Variants in COL28A1 observed in about 807,000 individuals in gnomAD.
COL28A1 encodes the protein collagen type XXVIII alpha 1 chain.
In COL28A1, 161 loss-of-function variants were observed where a neutral mutation model predicts 150.2. That is an observed-to-expected ratio of 1.07 (90% CI 0.94 to 1.22). COL28A1 has a LOEUF of 1.22. COL28A1 is among the 50% of genes most tolerant of loss of function. COL28A1 has a pLI of 0.00. For synonymous variants in COL28A1, 552 were observed against 469.7 expected, an observed-to-expected ratio of 1.18 and a Z score of -2.26; for missense variants, 1,617 against 1,388.3, an observed-to-expected ratio of 1.16 and a Z score of -2.62.
chr7:7,403,413 T>C (rs6971476), intron 27 of COL28A1, among the ~76,000 whole-genome samples: 25,472 of 152,232 alleles, frequency 0.17, 2,251 homozygotes, highest in Middle Eastern at 0.23. Flanking sequence ...TTGACTTGTT[T>C]TCTTGATAAA....
At chr7:7,400,198 C>A (rs1783094012) in intron 27 of COL28A1, among the ~76,000 whole-genome samples, 1 of 152,170 alleles carries the variant, frequency 6.6e-6, no homozygotes, top group Admixed American at 6.5e-5. Context: ...TCCCTGGAAC[C>A]TATGAACCCT....
chr7:7,380,382 G>T (rs1781804217), intron 30 of COL28A1, among the ~76,000 whole-genome samples: 1 of 152,086 alleles, frequency 6.6e-6, no homozygotes, highest in African/African-American at 2.4e-5. Context: ...TCACCTCCTT[G>T]TTGGCCAGTA....
the COL28A1 span, among the ~76,000 whole-genome samples, chr7:7,347,998 T>C: frequency 2.6e-5 from 4 of 152,036 alleles, no homozygotes; most frequent in African/African-American, 9.7e-5. Context: ...GAGGCATTAA[T>C]TGGCATGGCA....
intron 32 of COL28A1, among the ~76,000 whole-genome samples, chr7:7,371,177 T>C (rs1056430588): frequency 2.0e-5 from 3 of 152,190 alleles, no homozygotes; most frequent in African/African-American, 7.2e-5. Flanking sequence ...ATAAGTTGAA[T>C]TGGCAGCTAC....
intron 26 of COL28A1, among the ~76,000 whole-genome samples, chr7:7,418,411 A>G (rs1784219956): frequency 6.6e-6 from 1 of 152,176 alleles, no homozygotes; most frequent in South Asian, 2.1e-4. Flanking sequence ...ATGAAGCTAT[A>G]AGCAAGTGTA....
At chr7:7,496,495 G>T (rs1780214962) in intron 11 of COL28A1, among the ~76,000 whole-genome samples, 1 of 152,078 alleles carries the variant, frequency 6.6e-6, no homozygotes, top group African/African-American at 2.4e-5. Flanking sequence ...ATTACATAAT[G>T]ATATCAAGTA....
intron 34 of COL28A1, among the ~76,000 whole-genome samples, chr7:7,359,584 G>C (rs986468697): frequency 6.6e-6 from 1 of 152,126 alleles, no homozygotes; most frequent in African/African-American, 2.4e-5. Context: ...GCCAAGGTGG[G>C]AGAAGCCAAA....
intron 3 of COL28A1, among the ~76,000 whole-genome samples, chr7:7,526,026 G>T (rs1026766667): frequency 6.6e-6 from 1 of 152,206 alleles, no homozygotes; most frequent in African/African-American, 2.4e-5. Context: ...GTATCTTTAA[G>T]AGCTAGGAGG....
rs141487917 is a variant in COL28A1, at chr7:7,445,105, A to G, written c.1510-616T>C. On this transcript the variant is annotated intron_variant, in intron 18 of 34. Transcript: ENST00000399429. Reference sequence around the variant, plus strand: ...TTTCCTGAGGCCTCCCCAAAAGTCAAGCAGATGCCAGCATCATGCTTCCTG... The same window carrying G: ...TTTCCTGAGGCCTCCCCAAAAGTCAGGCAGATGCCAGCATCATGCTTCCTG... 3.4e-4 allele frequency among the ~76,000 whole-genome samples: 52 copies of G among 152,312 alleles called. No individual in the cohort carries two copies. In the East Asian group the frequency reaches 9.5e-3, roughly 28 times the overall value.
chr7:7,399,513 T>C (rs1783043311), intron 27 of COL28A1, among the ~76,000 whole-genome samples: 1 of 152,142 alleles, frequency 6.6e-6, no homozygotes, highest in Non-Finnish European at 1.5e-5. Context: ...GATGTGGAGG[T>C]TGGCCATCTT....
intron 3 of COL28A1, among the ~76,000 whole-genome samples, chr7:7,525,497 C>T (rs1271155687): frequency 1.3e-5 from 2 of 152,066 alleles, no homozygotes; most frequent in African/African-American, 4.8e-5. Flanking sequence ...ATGTGTCAAA[C>T]CAGTGCCTTG....
chr7:7,452,899 T>C (rs960758154), intron 17 of COL28A1, among the ~76,000 whole-genome samples: 6 of 152,252 alleles, frequency 3.9e-5, no homozygotes, highest in Non-Finnish European at 1.5e-5. Flanking sequence ...AGTATTTTAT[T>C]TATTTAACAA....
At chr7:7,537,498 C>T (rs76674714), upstream of COL28A1, among the ~76,000 whole-genome samples, 19,493 of 152,102 alleles carry the variant, frequency 0.13, 1,424 homozygotes, top group East Asian at 0.22. Flanking sequence ...TGTAAGAATT[C>T]GAATTTTTCC....
At chr7:7,475,039 C>G (rs1788748570) in intron 14 of COL28A1, among the ~76,000 whole-genome samples, 1 of 152,110 alleles carries the variant, frequency 6.6e-6, no homozygotes. Context: ...AAACTGGGTC[C>G]ATCACACAAG....
At chr7:7,519,177 A>G (rs1394148896) in intron 6 of COL28A1, among the ~76,000 whole-genome samples, 2 of 152,214 alleles carry the variant, frequency 1.3e-5, no homozygotes, top group Non-Finnish European at 2.9e-5. Flanking sequence ...AAGGTGAAGC[A>G]GGAACAAAGC....
intron 27 of COL28A1, among the ~76,000 whole-genome samples, chr7:7,388,459 C>T (rs1030442224): frequency 5.9e-5 from 9 of 151,942 alleles, no homozygotes; most frequent in South Asian, 4.2e-4. Flanking sequence ...TGAACAGCGC[C>T]GCGATAAACA....
At chr7:7,455,403 A>C (rs1454155995) in intron 16 of COL28A1, among the ~76,000 whole-genome samples, 1 of 152,178 alleles carries the variant, frequency 6.6e-6, no homozygotes, top group Non-Finnish European at 1.5e-5. Flanking sequence ...CAATACCCAG[A>C]TTTTCCAAAA....
chr7:7,532,150 T>G (rs1419681700), intron 2 of COL28A1, among the ~76,000 whole-genome samples: 1 of 152,178 alleles, frequency 6.6e-6, no homozygotes, highest in Non-Finnish European at 1.5e-5. Context: ...ATTCTGAGCA[T>G]CTTTTCAATG....
chr7:7,421,132 G>T (rs972953264), intron 25 of COL28A1, among the ~76,000 whole-genome samples: 5 of 152,118 alleles, frequency 3.3e-5, no homozygotes, highest in Non-Finnish European at 7.4e-5. Context: ...TGTAAATTCA[G>T]CAATAAAAAG....
Sources: gnomAD v4.1 joint callset for allele counts (sites outside exome capture counted in the v4.1 genomes callset) on GRCh38, gnomAD v4.1.1 for gene constraint, MANE v1.5 for transcripts, NCBI Gene and HGNC (gene_info 2026-07-23, HGNC 2026-07-21) for gene names.